Variants in ARNT2 observed in about 807,000 individuals in gnomAD.
ARNT2 encodes the protein ARNT protein 2.
Under a neutral mutation model 91.7 loss-of-function variants are expected in ARNT2, and 36 were observed. The observed-to-expected ratio is 0.39, with a 90% CI of 0.30 to 0.52. The LOEUF (loss-of-function observed/expected upper bound fraction) is 0.52, where lower values mean the gene tolerates loss of function less well. ARNT2 is among the 20% of genes least tolerant of loss of function. ARNT2 has a pLI of 0.72. For missense variants in ARNT2, 775 were observed against 939.3 expected (o/e 0.83, Z 2.29); for synonymous variants, 365 against 347.1 (o/e 1.05, Z -0.57).
chr15:80,443,304 C>G (rs1006297607), intron 1 of ARNT2, among the ~76,000 whole-genome samples: 7 of 152,168 alleles, frequency 4.6e-5, no homozygotes, highest in Non-Finnish European at 7.3e-5. Flanking sequence ...CCTGATCACA[C>G]AAGAACAAGT....
intron 1 of ARNT2, among the ~76,000 whole-genome samples, chr15:80,424,183 A>C (rs2141563778): frequency 6.6e-6 from 1 of 152,274 alleles, no homozygotes. Flanking sequence ...CACCCCAGGA[A>C]CCCTCATGGG....
Position 80,505,927 on chromosome 15 carries a change from G to GTTTTTT in ARNT2, c.623-2214_623-2209dup, listed in dbSNP as rs1161520898. Among the ~76,000 whole-genome samples the GTTTTTT allele has an allele frequency of 4.5e-4, 40 of 88,942 alleles. 7 individuals are homozygous for GTTTTTT. The highest frequency in any genetic ancestry group is 1.3e-3 in the South Asian group (3 of 2,286). 58.3% of individuals were successfully genotyped at this position (88,942 alleles called of 152,430 possible). ...GAAAAAATGATTCCCAACATTTGTT[G>GTTTTTT]TTTTTTTTTTTTTTTTTTTTGAGAC... is the stretch of plus-strand genomic sequence containing the variant. On this transcript the variant is annotated intron_variant, in intron 5 of 18. Coordinates refer to ENST00000303329, the MANE Select transcript of ARNT2 (RefSeq NM_014862.4).
intron 11 of ARNT2, among the ~76,000 whole-genome samples, chr15:80,562,069 C>T (rs2141466306): frequency 7.1e-6 from 1 of 140,064 alleles, no homozygotes; most frequent in South Asian, 2.5e-4. Context: ...TTTATTTATT[C>T]TTCTTCCTTC....
intron 2 of ARNT2, 69 bp from the exon 3 acceptor site, chr15:80,457,860 A>C: frequency 1.3e-6 from 2 of 1,556,092 alleles, no homozygotes; most frequent in South Asian, 1.1e-5. Flanking sequence ...CTTTTGTTCC[A>C]GCAGCTCCTG....
intron 4 of ARNT2, 132 bp from the exon 5 acceptor site, chr15:80,474,878 C>A (rs1457583769): frequency 2.6e-5 from 25 of 968,272 alleles, no homozygotes; most frequent in Non-Finnish European, 2.2e-5. Flanking sequence ...ACAAAGTTCT[C>A]ATTTCCCAAA....
intron 10 of ARNT2, among the ~76,000 whole-genome samples, chr15:80,553,888 C>T (rs1898128750): frequency 6.6e-6 from 1 of 152,120 alleles, no homozygotes; most frequent in Admixed American, 6.6e-5. Flanking sequence ...TTCATATAAA[C>T]CTCGAGATTC....
chr15:80,592,154 TCTC>T (rs1192730619), intron 18 of ARNT2, among the ~76,000 whole-genome samples: 5 of 152,208 alleles, frequency 3.3e-5, no homozygotes, highest in Middle Eastern at 3.4e-3. Context: ...CTGGCTCTGC[TCTC>T]CTCTGTGGTT....
chr15:80,422,663 A>G (rs1895876329), intron 1 of ARNT2, among the ~76,000 whole-genome samples: 1 of 152,238 alleles, frequency 6.6e-6, no homozygotes. Context: ...TTCGGCTATC[A>G]ATAATAACAA....
At chr15:80,424,905 CT>C (rs1439051002) in intron 1 of ARNT2, among the ~76,000 whole-genome samples, 4 of 152,190 alleles carry the variant, frequency 2.6e-5, no homozygotes, top group African/African-American at 9.6e-5. Context: ...ATATCTATGG[CT>C]GCTTTTAAGA....
At chr15:80,440,518 A>G (rs1176020527) in intron 1 of ARNT2, among the ~76,000 whole-genome samples, 1 of 152,232 alleles carries the variant, frequency 6.6e-6, no homozygotes, top group African/African-American at 2.4e-5. Context: ...TAGTGGGAAC[A>G]TGGGGAGTGA....
chr15:80,438,559 CAA>C (rs1896130006), intron 1 of ARNT2, among the ~76,000 whole-genome samples: 1 of 152,196 alleles, frequency 6.6e-6, no homozygotes, highest in Admixed American at 6.5e-5. Context: ...AACAATTCCA[CAA>C]AGACATAATT....
chr15:80,448,336 A>C (rs1224176392), intron 1 of ARNT2, among the ~76,000 whole-genome samples: 1 of 152,226 alleles, frequency 6.6e-6, no homozygotes, highest in Non-Finnish European at 1.5e-5. Flanking sequence ...ATAGGACGTG[A>C]AAATAAGAAA....
chr15:80,457,998 T>C (rs963952191), intron 3 of ARNT2, 22 bp downstream of exon 3: 1 of 1,609,414 alleles, frequency 6.2e-7, no homozygotes, highest in Non-Finnish European at 8.5e-7. Context: ...TTATTTTCCT[T>C]AGACTTAAAG....
At chr15:80,545,745 G>A (rs751428513) in intron 8 of ARNT2, among the ~76,000 whole-genome samples, 1 of 152,180 alleles carries the variant, frequency 6.6e-6, no homozygotes, top group African/African-American at 2.4e-5. Flanking sequence ...TCATTCAAAG[G>A]GGGCCAGCTT....
At chr15:80,482,966 C>A (rs1029195029) in intron 5 of ARNT2, among the ~76,000 whole-genome samples, 3 of 152,234 alleles carry the variant, frequency 2.0e-5, no homozygotes, top group African/African-American at 7.2e-5. Flanking sequence ...TTATTCTTGG[C>A]TTTGCCAAGC....
chr15:80,423,221 G>A (rs759220159), intron 1 of ARNT2, among the ~76,000 whole-genome samples: 20 of 152,140 alleles, frequency 1.3e-4, no homozygotes, highest in Admixed American at 1.3e-4. Flanking sequence ...GCACCTAATG[G>A]CGTCTGTGCC....
At chr15:80,474,975 A>C (rs970874424) in intron 4 of ARNT2, 35 bp from the exon 5 acceptor site, 2 of 1,602,984 alleles carry the variant, frequency 1.2e-6, no homozygotes, top group East Asian at 2.2e-5. Flanking sequence ...TGGGTCTGTC[A>C]GTGTATTGTG....
chr15:80,500,430 T>A (rs1454365354), intron 5 of ARNT2, among the ~76,000 whole-genome samples: 5 of 152,238 alleles, frequency 3.3e-5, no homozygotes, highest in African/African-American at 1.2e-4. Context: ...TGAACCAAGA[T>A]AAGATGTTTC....
Position 80,472,256 on chromosome 15 carries a change from TCCTGGTATTATCAAGA to T in ARNT2, c.408+1826_408+1841del, listed in dbSNP as rs1419672152. 2.0e-5 allele frequency among the ~76,000 whole-genome samples: 3 copies of T among 152,140 alleles called. No homozygotes were observed. In the East Asian group the frequency reaches 5.8e-4, roughly 29 times the overall value. On this transcript the variant is annotated intron_variant, in intron 4 of 18. Transcript: ENST00000303329. ...GCCAAGCTGAAATAGAGTGGAAGTG[TCCTGGTATTATCAAGA>T]GGGACTTCTCAGGACAGAGACAGTA...
Sources: allele counts gnomAD v4.1 joint callset (sites outside exome capture counted in the v4.1 genomes callset), GRCh38; gene constraint gnomAD v4.1.1; transcripts MANE v1.5; gene names NCBI Gene and HGNC (gene_info 2026-07-23, HGNC 2026-07-21).